Variants in SPTLC3 observed in about 807,000 individuals in gnomAD.
SPTLC3 encodes serine palmitoyltransferase 3.
In SPTLC3, 36 loss-of-function variants were observed where a neutral mutation model predicts 59.3. That is an observed-to-expected ratio of 0.61 (90% CI 0.47 to 0.80). The LOEUF is 0.80. Ranked by LOEUF, SPTLC3 falls within the 30% of genes least tolerant of loss-of-function variation. SPTLC3 has a pLI of 0.00. For synonymous variants in SPTLC3, 257 were observed against 240.8 expected (o/e 1.07, Z -0.62); for missense variants, 625 against 685.1 (o/e 0.91, Z 0.98).
intron 10 of SPTLC3, among the ~76,000 whole-genome samples, chr20:13,159,052 G>A (rs1165602514): frequency 6.6e-6 from 1 of 152,162 alleles, no homozygotes; most frequent in Admixed American, 6.5e-5. Context: ...AGCCCAAAGG[G>A]GAAAAAGAGT....
At chr20:13,048,774 T>C (rs1318702288) in intron 1 of SPTLC3, among the ~76,000 whole-genome samples, 171 bp from the exon 2 acceptor site, 2 of 152,338 alleles carry the variant, frequency 1.3e-5, no homozygotes, top group East Asian at 1.9e-4. Context: ...CTATGGCTTG[T>C]AAAATAAAGT....
rs78379730 is a variant in SPTLC3 at position 13,165,200 on chromosome 20, T to G, written c.*333T>G. The G allele has an allele frequency of 0.015, 3,014 of 201,558 alleles. 44 individuals carry two copies. Among genetic ancestry groups the G allele is most frequent in the South Asian group, 0.024 (188 of 7,884 alleles). The allele number at this position is 201,558 out of a possible 1,614,324, so 12.5% of individuals were successfully genotyped here. A position where few individuals can be genotyped will look rare whatever the true frequency, so the allele number is the denominator to read the frequency against. On this transcript the variant is annotated 3_prime_UTR_variant, in exon 12 of 12. Transcript: ENST00000399002. The stretch of plus-strand genomic sequence containing the variant: ...GACCCTTTCAGGGATTCCAACCAAA[T>G]GCAAATGAGAGAATTTAAAATTTTT...
intron 6 of SPTLC3, among the ~76,000 whole-genome samples, chr20:13,105,721 C>G (rs779192754): frequency 3.3e-5 from 5 of 152,222 alleles, no homozygotes; most frequent in Non-Finnish European, 7.3e-5. Context: ...CATTTACCAT[C>G]TATCATTTCT....
chr20:13,009,180 C>A lies in SPTLC3; in HGVS notation c.-88C>A, dbSNP rs1304072470. On this transcript the variant is annotated 5_prime_UTR_variant, in exon 1 of 12. Coordinates refer to ENST00000399002, the MANE Select transcript of SPTLC3 (RefSeq NM_018327.4). ...CCTTTAAGGGCTCAGCCCCAAAGAG[C>A]TTTATCCCATCCCCTCGCAGACTGA... 4.8e-6 allele frequency: 5 copies of A among 1,032,034 alleles called. No individual in the cohort carries two copies. The highest frequency in any genetic ancestry group is 7.4e-6 in the Non-Finnish European group (5 of 673,274). The allele number at this position is 1,032,034 out of a possible 1,614,324, so 63.9% of individuals were successfully genotyped here.
intron 1 of SPTLC3, among the ~76,000 whole-genome samples, chr20:13,038,699 T>A (rs1219912858): frequency 1.3e-5 from 2 of 152,136 alleles, no homozygotes; most frequent in Admixed American, 1.3e-4. Flanking sequence ...TTAGCTTTAG[T>A]TTGTTTTACT....
At chr20:13,071,783 G>C (rs1988446014) in intron 2 of SPTLC3, among the ~76,000 whole-genome samples, 1 of 152,154 alleles carries the variant, frequency 6.6e-6, no homozygotes. Flanking sequence ...CCTCTGATTA[G>C]TTTCCATTGG....
Position 13,091,148 on chromosome 20 carries a change from A to G in SPTLC3, c.673A>G (p.Met225Val). The G allele has an allele frequency of 6.2e-7, 1 of 1,613,980 alleles. No homozygotes were observed. Among genetic ancestry groups the G allele is most frequent in the East Asian group, 2.2e-5 (1 of 44,860 alleles). The change falls in exon 5 of 12, where the codon ATG becomes GTG. Residue 225 changes from methionine to valine, a missense_variant. By Grantham distance (21) the Met-to-Val change is conservative. Coordinates refer to ENST00000399002, the MANE Select transcript of SPTLC3 (RefSeq NM_018327.4). Reference sequence around the variant, plus strand: ...TAAGTTCCTGAATGTGGAAGCAGCTATGGTCTTTGGGATGGGATTCGCAAC... The same window carrying G: ...TAAGTTCCTGAATGTGGAAGCAGCTGTGGTCTTTGGGATGGGATTCGCAAC... ...VAKFLNVEAA[M>V]VFGMGFATNS...
chr20:13,140,116 TG>T (rs1249279498), intron 9 of SPTLC3, among the ~76,000 whole-genome samples: 2 of 152,234 alleles, frequency 1.3e-5, no homozygotes, highest in Non-Finnish European at 2.9e-5. Context: ...GGAGTAGCTC[TG>T]GAAGTCATGC....
intron 2 of SPTLC3, among the ~76,000 whole-genome samples, chr20:13,061,847 G>A (rs927683685): frequency 2.0e-5 from 3 of 152,088 alleles, no homozygotes; most frequent in Non-Finnish European, 2.9e-5. Context: ...CCACTAACAA[G>A]CAATGTGATG....
intron 7 of SPTLC3, among the ~76,000 whole-genome samples, chr20:13,111,936 G>A (rs997278221): frequency 6.6e-6 from 1 of 152,148 alleles, no homozygotes; most frequent in African/African-American, 2.4e-5. Flanking sequence ...CTTCTTAGTG[G>A]CCATGCCAGG....
Position 13,041,949 on chromosome 20 carries a change from C to T in SPTLC3, c.118-6996C>T, listed in dbSNP as rs554615286. Reference sequence around the variant, plus strand: ...CAAATCATTCTGTAAAGCTATCTTCCTCTGTTGGTATCACTCCCAACTGTG... The same window carrying T: ...CAAATCATTCTGTAAAGCTATCTTCTTCTGTTGGTATCACTCCCAACTGTG... On this transcript the variant is annotated intron_variant, in intron 1 of 11. Transcript: ENST00000399002. 2.0e-5 allele frequency among the ~76,000 whole-genome samples: 3 copies of T among 152,282 alleles called. No homozygotes were observed. In the East Asian group the frequency reaches 5.8e-4, roughly 29 times the overall value.
intron 4 of SPTLC3, among the ~76,000 whole-genome samples, chr20:13,084,281 C>T (rs1988936707): frequency 6.6e-6 from 1 of 152,190 alleles, no homozygotes; most frequent in South Asian, 2.1e-4. Flanking sequence ...AACGTGCATA[C>T]ATTAATATTT....
At chr20:13,106,808 A>G (rs1050611949) in intron 6 of SPTLC3, among the ~76,000 whole-genome samples, 9 of 152,184 alleles carry the variant, frequency 5.9e-5, no homozygotes, top group African/African-American at 2.2e-4. Context: ...AGCACAAGAG[A>G]AAGAGTAGAA....
intron 8 of SPTLC3, among the ~76,000 whole-genome samples, chr20:13,121,694 C>A (rs540965926): frequency 8.1e-4 from 123 of 152,180 alleles, no homozygotes; most frequent in African/African-American, 2.9e-3. Flanking sequence ...GAATTAGTAG[C>A]CAGGAATCAA....
At chr20:13,105,765 G>A (rs1989855288) in intron 6 of SPTLC3, among the ~76,000 whole-genome samples, 1 of 152,102 alleles carries the variant, frequency 6.6e-6, no homozygotes, top group Non-Finnish European at 1.5e-5. Flanking sequence ...GTCCCAAAGG[G>A]AAAACATTCT....
chr20:13,154,126 C>CT lies in SPTLC3; in HGVS notation c.1404dup (p.Gly469TrpfsTer2). The CT allele has an allele frequency of 1.2e-6, 2 of 1,614,052 alleles. No homozygotes were observed. Among genetic ancestry groups the CT allele is most frequent in the Non-Finnish European group, 8.5e-7 (1 of 1,179,980 alleles). Reference sequence around the variant, plus strand: ...GTTGTTCCTCTGCTTCTTTATATGCCTGGTAAAGTAGCGTAAGTATCCAAG... The same window carrying CT: ...GTTGTTCCTCTGCTTCTTTATATGCCTTGGTAAAGTAGCGTAAGTATCCAAG... On this transcript the variant is annotated frameshift_variant, in exon 10 of 12. Transcript: ENST00000399002. LOFTEE classifies it high-confidence loss of function.
chr20:13,138,948 T>C (rs2038316339), intron 9 of SPTLC3, among the ~76,000 whole-genome samples: 1 of 152,204 alleles, frequency 6.6e-6, no homozygotes, highest in African/African-American at 2.4e-5. Flanking sequence ...AGACACAATC[T>C]GAAACTCAAA....
At chr20:13,141,336 G>A (rs999217298) in intron 9 of SPTLC3, among the ~76,000 whole-genome samples, 2 of 152,116 alleles carry the variant, frequency 1.3e-5, no homozygotes, top group Non-Finnish European at 2.9e-5. Flanking sequence ...CTTCTCTAGG[G>A]AAGAGGGAAT....
chr20:13,117,464 G>T, intron 7 of SPTLC3, 42 bp from the exon 8 acceptor site: 1 of 1,518,704 alleles, frequency 6.6e-7, no homozygotes, highest in Non-Finnish European at 8.9e-7. Context: ...AGCTTCCCAG[G>T]AGGGTATTTG....
Sources: allele counts gnomAD v4.1 joint callset (sites outside exome capture counted in the v4.1 genomes callset), GRCh38; gene constraint gnomAD v4.1.1; transcripts MANE v1.5; gene names NCBI Gene and HGNC (gene_info 2026-07-23, HGNC 2026-07-21).